The following SCAPER variants were observed in gnomAD, a reference collection of about 807,000 sequenced individuals.
The protein encoded by SCAPER is S-phase cyclin A associated protein in the ER, also known as S phase cyclin A-associated protein in the endoplasmic reticulum.
A neutral mutation model predicts 182.2 loss-of-function variants in SCAPER; 98 were observed. The ratio of observed to expected loss-of-function variants is 0.54; its 90% CI spans 0.46 to 0.64. SCAPER has a LOEUF of 0.64. Among genes scored for constraint, SCAPER ranks in the 30% least tolerant of loss-of-function variants. SCAPER has a pLI of 0.00. For missense variants in SCAPER, 1,432 were observed against 1,690.0 expected, an observed-to-expected ratio of 0.85 and a Z score of 2.68; for synonymous variants, 605 against 564.6, an observed-to-expected ratio of 1.07 and a Z score of -1.01.
intron 23 of SCAPER, among the ~76,000 whole-genome samples, chr15:76,509,105 ATAAAATATTT>A (rs1220643450): frequency 6.6e-6 from 1 of 152,186 alleles, no homozygotes; most frequent in Non-Finnish European, 1.5e-5. Flanking sequence ...AGGATTCCAG[ATAAAATATTT>A]TAAAACATTA....
intron 8 of SCAPER, among the ~76,000 whole-genome samples, chr15:76,787,170 T>TA (rs2064671942): frequency 6.6e-6 from 1 of 152,128 alleles, no homozygotes; most frequent in Non-Finnish European, 1.5e-5. Context: ...ACAAAGGACC[T>TA]AAAATAGCTA....
intron 22 of SCAPER, among the ~76,000 whole-genome samples, chr15:76,589,425 GGCTGCCTCT>G (rs2048939379): frequency 6.6e-6 from 1 of 152,138 alleles, no homozygotes; most frequent in Admixed American, 6.5e-5. Context: ...GGAGGATTAT[GGCTGCCTCT>G]GCTGTGTCAT....
At chr15:76,627,782 T>G (rs1046542192) in intron 21 of SCAPER, among the ~76,000 whole-genome samples, 1 of 152,192 alleles carries the variant, frequency 6.6e-6, no homozygotes, top group Non-Finnish European at 1.5e-5. Context: ...GTAACAATGA[T>G]TTTTATTCCT....
intron 17 of SCAPER, among the ~76,000 whole-genome samples, chr15:76,712,852 G>C (rs986068195): frequency 6.6e-6 from 1 of 152,008 alleles, no homozygotes; most frequent in Non-Finnish European, 1.5e-5. Flanking sequence ...AGACGATGGG[G>C]TTTTCTAGAT....
intron 14 of SCAPER, among the ~76,000 whole-genome samples, chr15:76,754,906 TAG>T (rs2062321815): frequency 6.6e-6 from 1 of 152,158 alleles, no homozygotes; most frequent in Non-Finnish European, 1.5e-5. Flanking sequence ...GTGTACATCA[TAG>T]AGTTATTGTG....
intron 27 of SCAPER, among the ~76,000 whole-genome samples, chr15:76,384,080 A>G (rs2043141018): frequency 6.6e-6 from 1 of 152,172 alleles, no homozygotes. Context: ...ACGTGAGTAG[A>G]GATTAATGTG....
intron 25 of SCAPER, among the ~76,000 whole-genome samples, chr15:76,446,473 C>T (rs1049790039): frequency 6.6e-6 from 1 of 152,162 alleles, no homozygotes; most frequent in Non-Finnish European, 1.5e-5. Context: ...AAAAGCTGCA[C>T]AAGAACCTGG....
At chr15:76,366,979 T>C (rs2041858814) in intron 29 of SCAPER, among the ~76,000 whole-genome samples, 1 of 152,230 alleles carries the variant, frequency 6.6e-6, no homozygotes, top group Non-Finnish European at 1.5e-5. Flanking sequence ...CTACATGTTT[T>C]GGTCCACAGA....
At chr15:76,793,524 GAAGTTTCTATAA>G (rs2151464464) in intron 8 of SCAPER, 1 of 390,366 alleles carries the variant, frequency 2.6e-6, no homozygotes, top group African/African-American at 2.1e-5. Context: ...CCTAGATAAT[GAAGTTTCTATAA>G]AAACCTTTTT....
chr15:76,806,432 G>T (rs1393353176), intron 5 of SCAPER, among the ~76,000 whole-genome samples: 1 of 152,176 alleles, frequency 6.6e-6, no homozygotes, highest in Non-Finnish European at 1.5e-5. Flanking sequence ...CACAGAATTT[G>T]ATTATTGTGG....
intron 26 of SCAPER, among the ~76,000 whole-genome samples, chr15:76,425,239 A>G (rs2046340301): frequency 6.6e-6 from 1 of 152,070 alleles, no homozygotes; most frequent in Non-Finnish European, 1.5e-5. Flanking sequence ...TCTCCCTGTC[A>G]CTTACAGGTA....
chr15:76,878,618 T>C (rs902853325), intron 2 of SCAPER, among the ~76,000 whole-genome samples: 4 of 152,032 alleles, frequency 2.6e-5, no homozygotes, highest in South Asian at 4.1e-4. Context: ...CTTAAATCAA[T>C]TGCAAAAAGA....
At chr15:76,895,836 C>A (rs1037590257) in intron 1 of SCAPER, among the ~76,000 whole-genome samples, 8 of 151,962 alleles carry the variant, frequency 5.3e-5, no homozygotes, top group Admixed American at 1.3e-4. Flanking sequence ...GTCAGGAGAT[C>A]GAGACCATCC....
chr15:76,717,285 G>A (rs1444536280), intron 17 of SCAPER, among the ~76,000 whole-genome samples: 1 of 152,084 alleles, frequency 6.6e-6, no homozygotes, highest in Non-Finnish European at 1.5e-5. Context: ...TACATGAAAT[G>A]CTTCTTCGAG....
At chr15:76,668,036 T>C (rs1296004805) in intron 20 of SCAPER, among the ~76,000 whole-genome samples, 2 of 152,028 alleles carry the variant, frequency 1.3e-5, no homozygotes, top group Non-Finnish European at 2.9e-5. Flanking sequence ...ATTTCGAAAA[T>C]AACACGTCTA....
chr15:76,771,133 T>C (rs1255887039), intron 10 of SCAPER, among the ~76,000 whole-genome samples: 1 of 152,134 alleles, frequency 6.6e-6, no homozygotes, highest in East Asian at 1.9e-4. Flanking sequence ...TTTGGAAAGC[T>C]AGTTTTTAAA....
At chr15:76,427,958 G>T (rs529044925) in intron 26 of SCAPER, among the ~76,000 whole-genome samples, 3 of 151,874 alleles carry the variant, frequency 2.0e-5, no homozygotes, top group Admixed American at 6.6e-5. Flanking sequence ...AAATTAGCTG[G>T]GTGTGGTTGT....
intron 22 of SCAPER, among the ~76,000 whole-genome samples, chr15:76,614,921 G>A (rs2051313774): frequency 6.6e-6 from 1 of 152,064 alleles, no homozygotes; most frequent in South Asian, 2.1e-4. Flanking sequence ...AATGAAAGTG[G>A]GCACATTACT....
intron 3 of SCAPER, among the ~76,000 whole-genome samples, chr15:76,858,269 A>AT (rs1326755459): frequency 6.6e-6 from 1 of 152,210 alleles, no homozygotes; most frequent in Admixed American, 6.5e-5. Flanking sequence ...CAACAATAAA[A>AT]TTAAGACTAT....
Sources: gnomAD v4.1 joint callset for allele counts (sites outside exome capture counted in the v4.1 genomes callset) on GRCh38, gnomAD v4.1.1 for gene constraint, MANE v1.5 for transcripts, NCBI Gene and HGNC (gene_info 2026-07-23, HGNC 2026-07-21) for gene names.